THOC7: variants seen among roughly 807,000 people sequenced by gnomAD.
THOC7 encodes NIF3L1-binding protein 1.
Under a neutral mutation model 33.1 loss-of-function variants are expected in THOC7, and 22 were observed. The observed-to-expected ratio is 0.66, with a 90% CI of 0.47 to 0.95. THOC7 has a LOEUF of 0.95. THOC7 is among the 40% of genes least tolerant of loss of function. The probability of loss-of-function intolerance (pLI) is 0.00; values close to 1 mark genes in which losing one functional copy is unlikely to be tolerated. For missense variants in THOC7, 184 were observed against 245.3 expected, an observed-to-expected ratio of 0.75 and a Z score of 1.67; for synonymous variants, 77 against 76.8, an observed-to-expected ratio of 1.00 and a Z score of -0.01.
chr3:63,862,074 A>T (rs1702234484), intron 1 of THOC7, among the ~76,000 whole-genome samples: 1 of 152,148 alleles, frequency 6.6e-6, no homozygotes, highest in South Asian at 2.1e-4. Context: ...TACAGGCGTG[A>T]GCCACTGTGC....
At chr3:63,839,022 C>T (rs1701697835) in intron 2 of THOC7, among the ~76,000 whole-genome samples, 2 of 152,140 alleles carry the variant, frequency 1.3e-5, no homozygotes, top group Non-Finnish European at 2.9e-5. Flanking sequence ...GAAACCCCAT[C>T]TCTACTAAAA....
chr3:63,848,942 A>T (rs1701964534), intron 1 of THOC7, among the ~76,000 whole-genome samples: 1 of 152,234 alleles, frequency 6.6e-6, no homozygotes, highest in African/African-American at 2.4e-5. Flanking sequence ...CAGAATTTGG[A>T]AACTATTTGT....
chr3:63,843,111 T>C (rs930448396), intron 1 of THOC7, among the ~76,000 whole-genome samples: 1 of 148,022 alleles, frequency 6.8e-6, no homozygotes, highest in South Asian at 2.1e-4. Flanking sequence ...ACCGTATGTA[T>C]ATTTGTTTGT....
intron 1 of THOC7, among the ~76,000 whole-genome samples, chr3:63,849,248 T>C (rs891697398): frequency 6.6e-6 from 1 of 151,984 alleles, no homozygotes; most frequent in Non-Finnish European, 1.5e-5. Context: ...ATTGGCCGAG[T>C]GTGGTGGCAT....
chr3:63,858,461 T>TA (rs530710901), intron 1 of THOC7, among the ~76,000 whole-genome samples: 16 of 148,528 alleles, frequency 1.1e-4, no homozygotes, highest in Admixed American at 4.7e-4. Flanking sequence ...TTTTCTAAGT[T>TA]AAAAAAAAAA....
intron 1 of THOC7, among the ~76,000 whole-genome samples, chr3:63,846,701 G>A (rs573274612): frequency 1.3e-5 from 2 of 152,192 alleles, no homozygotes; most frequent in South Asian, 2.1e-4. Flanking sequence ...ATGAGCCACC[G>A]TGCTTGGCCT....
intron 1 of THOC7, among the ~76,000 whole-genome samples, chr3:63,859,001 A>AAATTTG (rs1702160707): frequency 2.6e-5 from 4 of 152,224 alleles, no homozygotes; most frequent in African/African-American, 4.8e-5. Context: ...AGGGACAGTG[A>AAATTTG]TACAGGCACA....
At chr3:63,853,709 C>A (rs1225324712) in intron 1 of THOC7, among the ~76,000 whole-genome samples, 2 of 152,142 alleles carry the variant, frequency 1.3e-5, no homozygotes, top group South Asian at 2.1e-4. Flanking sequence ...GAGATCGAGA[C>A]CATCCTGGCT....
At chr3:63,849,768 TTTTC>T (rs1441287903) in intron 1 of THOC7, among the ~76,000 whole-genome samples, 1 of 152,234 alleles carries the variant, frequency 6.6e-6, no homozygotes, top group African/African-American at 2.4e-5. Context: ...TGCTTTTCTT[TTTTC>T]TTTTTCTCCT....
intron 1 of THOC7, among the ~76,000 whole-genome samples, chr3:63,861,164 C>T (rs1377029450): frequency 6.6e-6 from 1 of 152,104 alleles, no homozygotes; most frequent in Non-Finnish European, 1.5e-5. Context: ...TTATTATCTC[C>T]GTTCAGAGAC....
intron 1 of THOC7, chr3:63,845,203 T>C (rs1464061781): frequency 1.0e-5 from 5 of 480,816 alleles, no homozygotes; most frequent in African/African-American, 1.9e-5. Context: ...GCTGATATCT[T>C]TGGCTTTGGG....
chr3:63,862,777 T>C (rs1457795786), intron 1 of THOC7, among the ~76,000 whole-genome samples: 2 of 151,994 alleles, frequency 1.3e-5, no homozygotes, highest in Admixed American at 1.3e-4. Context: ...GCCCTAGATA[T>C]CCCCTTCCCA....
intron 1 of THOC7, among the ~76,000 whole-genome samples, chr3:63,852,324 A>G (rs1192629823): frequency 6.6e-6 from 1 of 152,194 alleles, no homozygotes; most frequent in Non-Finnish European, 1.5e-5. Flanking sequence ...TATACAAAAA[A>G]CTAATAAAAG....
intron 1 of THOC7, among the ~76,000 whole-genome samples, chr3:63,855,129 T>G (rs1702091999): frequency 6.6e-6 from 1 of 152,188 alleles, no homozygotes; most frequent in African/African-American, 2.4e-5. Flanking sequence ...GATACATATT[T>G]GCTCATCAAA....
rs1173208919 is a variant in THOC7 at position 63,835,010 on chromosome 3, A to AT, written c.547+143dup. 2.5e-5 allele frequency: 18 copies of AT among 721,192 alleles called. No individual in the cohort carries two copies. In the Admixed American group the frequency reaches 5.5e-4, roughly 22 times the overall value. 44.7% of individuals were successfully genotyped at this position (721,192 alleles called of 1,614,324 possible). A position where few individuals can be genotyped will look rare whatever the true frequency, so the allele number is the denominator to read the frequency against. Reference sequence around the variant, plus strand: ...CTACATGTATTCAAGAAAGTTGAACATGAGTACCTTCTAACGTCATCCAGC... The same window carrying AT: ...CTACATGTATTCAAGAAAGTTGAACATTGAGTACCTTCTAACGTCATCCAGC... On this transcript the variant is annotated intron_variant, in intron 7 of 7. Transcript: ENST00000295899.
At chr3:63,851,681 CGTT>C (rs775285905) in intron 1 of THOC7, among the ~76,000 whole-genome samples, 3 of 152,168 alleles carry the variant, frequency 2.0e-5, no homozygotes, top group African/African-American at 4.8e-5. Context: ...ATTTTTCTAT[CGTT>C]GGCCTCTCTG....
intron 1 of THOC7, among the ~76,000 whole-genome samples, chr3:63,843,615 T>C (rs1027533646): frequency 2.6e-5 from 4 of 151,534 alleles, no homozygotes; most frequent in African/African-American, 9.7e-5. Context: ...TTAAAAAAAA[T>C]GTGGGCTGGG....
chr3:63,853,157 G>GA (rs1195911287), intron 1 of THOC7, among the ~76,000 whole-genome samples: 316 of 73,492 alleles, frequency 4.3e-3, no homozygotes, highest in South Asian at 7.9e-3. Context: ...TCTCAAAAAA[G>GA]AAAAAAAAAA....
At chr3:63,861,632 G>T (rs2107171969) in intron 1 of THOC7, 1 of 152,236 alleles carries the variant, frequency 6.6e-6, no homozygotes, top group South Asian at 2.1e-4. Flanking sequence ...CCTTAGGCAA[G>T]CTAACCTGTG....
Sources: allele counts gnomAD v4.1 joint callset (sites outside exome capture counted in the v4.1 genomes callset), GRCh38; gene constraint gnomAD v4.1.1; transcripts MANE v1.5; gene names NCBI Gene and HGNC (gene_info 2026-07-23, HGNC 2026-07-21).